WWC2: variants seen among roughly 807,000 people sequenced by gnomAD.
WWC2 encodes the protein WW and C2 domain containing 2.
In WWC2, 101 loss-of-function variants were observed where a neutral mutation model predicts 138.5. The ratio of observed to expected loss-of-function variants is 0.73; its 90% CI spans 0.62 to 0.86. The LOEUF is 0.86. Among genes scored for constraint, WWC2 ranks in the 40% least tolerant of loss-of-function variants. The pLI is 0.00. For synonymous variants in WWC2, 558 were observed against 538.4 expected, an observed-to-expected ratio of 1.04 and a Z score of -0.50; for missense variants, 1,420 against 1,419.4, an observed-to-expected ratio of 1.00 and a Z score of -0.01.
intron 1 of WWC2, among the ~76,000 whole-genome samples, chr4:183,109,473 T>C (rs1732157174): frequency 6.6e-6 from 1 of 152,208 alleles, no homozygotes; most frequent in Admixed American, 6.5e-5. Flanking sequence ...AGAATGGGAT[T>C]GGAGGAGTTG....
intron 1 of WWC2, 54 bp downstream of exon 1, chr4:183,099,676 C>T (rs983299428): frequency 5.3e-5 from 63 of 1,191,286 alleles, no homozygotes; most frequent in East Asian, 8.0e-5. Context: ...GCTGTTGTCC[C>T]GGAGACCCGG....
chr4:183,282,719 T>C lies in WWC2; in HGVS notation c.2696T>C (p.Leu899Pro). The change falls in exon 18 of 23, where the codon CTA (leucine) becomes CCA (proline). Residue 899 changes from leucine (L) to proline (P), a missense_variant. By Grantham distance (98) the Leu-to-Pro change is moderately conservative. Coordinates refer to ENST00000403733, the MANE Select transcript of WWC2 (RefSeq NM_024949.6). ...RGPDGDWLTM[L>P]REASDEIVAE... The stretch of plus-strand genomic sequence containing the variant: ...TTGTTTTACCATAGGCTAACAATGC[T>C]AAGAGAGGCCTCTGATGAAATTGTG... 2 of 1,569,750 alleles carry C rather than the reference T, an allele frequency of 1.3e-6. No individual in the cohort carries two copies. The highest frequency in any genetic ancestry group is 1.7e-6 in the Non-Finnish European group (2 of 1,156,558).
intron 14 of WWC2, among the ~76,000 whole-genome samples, chr4:183,267,251 A>G (rs6812460): frequency 0.54 from 81,614 of 151,876 alleles, 22,166 homozygotes; most frequent in South Asian, 0.66. Context: ...CCTGAATCAA[A>G]GTGTGGACTG....
intron 20 of WWC2, among the ~76,000 whole-genome samples, chr4:183,286,727 A>G (rs1387630426): frequency 6.6e-6 from 1 of 152,192 alleles, no homozygotes; most frequent in Non-Finnish European, 1.5e-5. Context: ...TTCGGTGACT[A>G]CAGAGCACCA....
In WWC2 at chr4:183,320,145, C is replaced by A. The variant is rs762094724; in HGVS notation, c.*4416C>A. 9.9e-6 allele frequency: 16 copies of A among 1,614,000 alleles called. No homozygotes were observed. The South Asian group carries it at 1.6e-4, about 17-fold the overall frequency. On this transcript the variant is annotated 3_prime_UTR_variant, in exon 23 of 23. Coordinates refer to ENST00000403733, the MANE Select transcript of WWC2 (RefSeq NM_024949.6). Reference sequence around the variant, plus strand: ...CCAGTGTGGCAGGTAGTTTGTAAGACAGGATAAAACCCATCCCAGCAAAGA... The same window carrying A: ...CCAGTGTGGCAGGTAGTTTGTAAGAAAGGATAAAACCCATCCCAGCAAAGA...
intron 1 of WWC2, among the ~76,000 whole-genome samples, chr4:183,137,308 T>G (rs192739256): frequency 6.6e-6 from 1 of 152,310 alleles, no homozygotes; most frequent in African/African-American, 2.4e-5. Flanking sequence ...CACACACACA[T>G]TGTACACCTG....
chr4:183,162,536 TC>T lies in WWC2; in HGVS notation c.132-31061del, dbSNP rs146285110. ...CGTTTTATTGTCTTTATTGAACTCTTCCTAGACTCTTAGTAGTATTCCCTTT... is the reference window on the plus strand; with the variant it reads ...CGTTTTATTGTCTTTATTGAACTCTTCTAGACTCTTAGTAGTATTCCCTTT... On this transcript the variant is annotated intron_variant, in intron 1 of 22. Coordinates refer to ENST00000403733, the MANE Select transcript of WWC2 (RefSeq NM_024949.6). Among the ~76,000 whole-genome samples, 645 of 152,306 alleles carry T rather than the reference TC, an allele frequency of 4.2e-3. 6 individuals carry two copies. Among genetic ancestry groups the T allele is most frequent in the African/African-American group, 0.014 (598 of 41,556 alleles).
At chr4:183,315,241 G>A (rs955498534) in intron 22 of WWC2, among the ~76,000 whole-genome samples, 1 of 152,098 alleles carries the variant, frequency 6.6e-6, no homozygotes, top group African/African-American at 2.4e-5. Context: ...TCCCTGCCCC[G>A]GCATGGTATC....
At chr4:183,208,828 G>A (rs1735514143) in intron 3 of WWC2, 121 bp from the exon 4 acceptor site, 2 of 643,632 alleles carry the variant, frequency 3.1e-6, no homozygotes, top group African/African-American at 1.8e-5. Flanking sequence ...GGCAATAAAG[G>A]AATTAGAAAG....
intron 2 of WWC2, among the ~76,000 whole-genome samples, chr4:183,194,352 G>A (rs1735071804): frequency 6.6e-6 from 1 of 152,174 alleles, no homozygotes; most frequent in South Asian, 2.1e-4. Flanking sequence ...ATATATTTGT[G>A]TATGTTTGTG....
chr4:183,311,030 C>G (rs1008517570), intron 21 of WWC2, among the ~76,000 whole-genome samples: 24 of 152,102 alleles, frequency 1.6e-4, no homozygotes, highest in Admixed American at 1.6e-3. Flanking sequence ...CCCAGATTTA[C>G]ATCGCTAGTA....
In WWC2 at chr4:183,182,508, A is replaced by G. The variant is rs190311438; in HGVS notation, c.132-11091A>G. ...AATTTCAGACTATTTTTCAAAACCAAATAATCTGACAAGCAAACATTTCTT... is the reference window on the plus strand; with the variant it reads ...AATTTCAGACTATTTTTCAAAACCAGATAATCTGACAAGCAAACATTTCTT... On this transcript the variant is annotated intron_variant, in intron 1 of 22. Transcript: ENST00000403733. Among the ~76,000 whole-genome samples, 354 of 152,334 alleles carry G rather than the reference A, an allele frequency of 2.3e-3. 3 individuals are homozygous for G. Among genetic ancestry groups the G allele is most frequent in the Middle Eastern group, 6.8e-3 (2 of 294 alleles).
At chr4:183,280,241 T>TG (rs1453464272) in intron 16 of WWC2, among the ~76,000 whole-genome samples, 2 of 147,958 alleles carry the variant, frequency 1.4e-5, no homozygotes, top group Non-Finnish European at 3.0e-5. Flanking sequence ...TTTTTTTTTT[T>TG]TTTTTTTTTT....
intron 21 of WWC2, 144 bp downstream of exon 21, chr4:183,289,779 G>T (rs2111076613): frequency 6.6e-6 from 8 of 1,204,694 alleles, no homozygotes; most frequent in Non-Finnish European, 7.8e-6. Context: ...TTTTCCCACT[G>T]TTATAGGCCC....
intron 21 of WWC2, among the ~76,000 whole-genome samples, chr4:183,291,955 G>T (rs1738465492): frequency 6.6e-6 from 1 of 151,988 alleles, no homozygotes; most frequent in Non-Finnish European, 1.5e-5. Context: ...TACAGCTGAG[G>T]TGGGAGAATC....
intron 6 of WWC2, among the ~76,000 whole-genome samples, chr4:183,247,654 A>G (rs149646143): frequency 0.023 from 3,262 of 140,876 alleles, 58 homozygotes; most frequent in Non-Finnish European, 0.033. Context: ...TATACTATAT[A>G]CTATATATAC....
intron 4 of WWC2, among the ~76,000 whole-genome samples, chr4:183,211,352 T>G (rs529509799): frequency 4.6e-5 from 7 of 152,336 alleles, no homozygotes; most frequent in Non-Finnish European, 7.3e-5. Flanking sequence ...GAATTTCTAT[T>G]TGATTATTTT....
intron 21 of WWC2, among the ~76,000 whole-genome samples, chr4:183,294,770 T>A (rs564241442): frequency 3.7e-4 from 56 of 149,588 alleles, no homozygotes; most frequent in African/African-American, 1.0e-3. Context: ...GTTTTTTTTT[T>A]ATTGTCTTTC....
intron 1 of WWC2, among the ~76,000 whole-genome samples, chr4:183,144,150 T>C: frequency 6.6e-6 from 1 of 152,240 alleles, no homozygotes; most frequent in East Asian, 1.9e-4. Context: ...TCAGAACTTC[T>C]GAATGATTTG....
Sources: gnomAD v4.1 joint callset for allele counts (sites outside exome capture counted in the v4.1 genomes callset) on GRCh38, gnomAD v4.1.1 for gene constraint, MANE v1.5 for transcripts, NCBI Gene and HGNC (gene_info 2026-07-23, HGNC 2026-07-21) for gene names.